The following LRRC28 variants were observed in gnomAD, a reference collection of about 807,000 sequenced individuals.
LRRC28 encodes the protein leucine rich repeat containing 28.
Under a neutral mutation model 45.7 loss-of-function variants are expected in LRRC28, and 39 were observed. The observed-to-expected ratio is 0.85, with a 90% CI of 0.66 to 1.12. The LOEUF (loss-of-function observed/expected upper bound fraction) is 1.12. Among genes scored for constraint, LRRC28 ranks in the 50% most tolerant of loss-of-function variants. LRRC28 has a pLI of 0.00. For missense variants in LRRC28, 435 were observed against 438.5 expected, an observed-to-expected ratio of 0.99 and a Z score of 0.07; for synonymous variants, 206 against 178.8, an observed-to-expected ratio of 1.15 and a Z score of -1.22.
Position 99,287,402 on chromosome 15 carries a change from AC to A in LRRC28, c.247+109del. The A allele has an allele frequency of 2.5e-6, 2 of 801,820 alleles. 1 individual carries two copies. Among genetic ancestry groups the A allele is most frequent in the Non-Finnish European group, 3.8e-6 (2 of 533,090 alleles). The allele number at this position is 801,820 out of a possible 1,614,324, so 49.7% of individuals were successfully genotyped here. On this transcript the variant is annotated intron_variant, in intron 4 of 9. Coordinates refer to ENST00000301981, the MANE Select transcript of LRRC28 (RefSeq NM_144598.5). ...ACACCTTTAATTTTTTAGCTTCAAA[AC>A]TTTTTTCTTCTAATAAGTCCAGTTA...
intron 5 of LRRC28, among the ~76,000 whole-genome samples, chr15:99,296,676 T>C (rs550798032): frequency 1.3e-5 from 2 of 152,328 alleles, no homozygotes; most frequent in African/African-American, 4.8e-5. Context: ...GAGGGGGGAC[T>C]TGCTGTTTCA....
intron 6 of LRRC28, 138 bp from the exon 7 acceptor site, chr15:99,352,231 A>G: frequency 1.6e-6 from 1 of 638,598 alleles, no homozygotes; most frequent in South Asian, 2.3e-5. Context: ...CCCATAACTT[A>G]CTTTATATAA....
At chr15:99,271,310 C>T (rs1197738049) in intron 2 of LRRC28, among the ~76,000 whole-genome samples, 2 of 148,038 alleles carry the variant, frequency 1.4e-5, no homozygotes, top group African/African-American at 5.0e-5. Flanking sequence ...AGATGAGTCT[C>T]ATTCTATTGC....
At chr15:99,259,710 G>T (rs1355722556) in intron 2 of LRRC28, 2 of 1,421,176 alleles carry the variant, frequency 1.4e-6, no homozygotes, top group African/African-American at 2.8e-5. Flanking sequence ...GACATGCTTC[G>T]ACGAATTAAG....
intron 3 of LRRC28, among the ~76,000 whole-genome samples, chr15:99,286,174 A>G (rs2081953609): frequency 6.6e-6 from 1 of 152,234 alleles, no homozygotes; most frequent in African/African-American, 2.4e-5. Flanking sequence ...TCTGTTGCCC[A>G]GGCTGGAGTG....
At chr15:99,294,637 A>T (rs570148075) in intron 5 of LRRC28, among the ~76,000 whole-genome samples, 31 of 152,282 alleles carry the variant, frequency 2.0e-4, no homozygotes, top group Admixed American at 1.4e-3. Flanking sequence ...CTCATGTGGT[A>T]GAATGGAGCA....
At chr15:99,377,899 T>C (rs1052577926) in intron 9 of LRRC28, among the ~76,000 whole-genome samples, 3 of 152,236 alleles carry the variant, frequency 2.0e-5, no homozygotes, top group African/African-American at 7.2e-5. Context: ...TCCATTGGTC[T>C]ATAGCTCTGT....
intron 9 of LRRC28, among the ~76,000 whole-genome samples, chr15:99,382,138 A>G (rs956531770): frequency 2.0e-5 from 3 of 152,224 alleles, no homozygotes; most frequent in African/African-American, 7.2e-5. Context: ...GGTGGAGTCT[A>G]CAGAGGTAGG....
At chr15:99,345,957 A>C (rs999720341) in intron 6 of LRRC28, among the ~76,000 whole-genome samples, 13 of 152,116 alleles carry the variant, frequency 8.5e-5, no homozygotes, top group African/African-American at 3.1e-4. Context: ...TATTCTCTTC[A>C]GTGACTTACT....
intron 3 of LRRC28, among the ~76,000 whole-genome samples, chr15:99,282,465 A>G (rs543372049): frequency 5.9e-5 from 9 of 152,286 alleles, no homozygotes; most frequent in Middle Eastern, 3.4e-3. Flanking sequence ...AATTATGTCA[A>G]TGACAGGCCA....
At position 99,319,255 on chromosome 15, in the gene LRRC28, GAAAA is replaced by G. The variant is rs1955708437; in HGVS notation, c.386-14665_386-14662del. Among the ~76,000 whole-genome samples, 6 of 152,022 alleles carry G rather than the reference GAAAA, an allele frequency of 3.9e-5. No homozygotes were observed. The South Asian group carries it at 1.2e-3, about 31-fold the overall frequency. ...CTCCATTGTGCTAACTCAGTAAAGA[GAAAA>G]AAGCCTCCCTAGAAGAAGTCTATAA... On this transcript the variant is annotated intron_variant, in intron 5 of 9. Transcript: ENST00000301981.
intron 5 of LRRC28, among the ~76,000 whole-genome samples, chr15:99,304,384 T>C (rs542105351): frequency 2.0e-5 from 3 of 152,118 alleles, no homozygotes; most frequent in Admixed American, 6.6e-5. Context: ...GAGCAAAACT[T>C]ATTTTTCCTT....
At chr15:99,374,021 A>G (rs1387367411) in intron 9 of LRRC28, among the ~76,000 whole-genome samples, 1 of 152,212 alleles carries the variant, frequency 6.6e-6, no homozygotes, top group East Asian at 1.9e-4. Flanking sequence ...AGGCCTTAAT[A>G]TCAGGTTGAG....
intron 2 of LRRC28, among the ~76,000 whole-genome samples, chr15:99,261,282 C>T (rs977440054): frequency 1.3e-5 from 2 of 152,360 alleles, no homozygotes; most frequent in East Asian, 3.9e-4. Context: ...GGAAAGCAAT[C>T]CTCTCTTTGT....
At chr15:99,321,592 G>A (rs1219981398) in intron 5 of LRRC28, among the ~76,000 whole-genome samples, 1 of 152,070 alleles carries the variant, frequency 6.6e-6, no homozygotes, top group African/African-American at 2.4e-5. Flanking sequence ...TTCCTCCAAG[G>A]ATTTGTGAGT....
intron 5 of LRRC28, among the ~76,000 whole-genome samples, chr15:99,319,664 T>TG (rs1952259030): frequency 1.3e-5 from 2 of 151,730 alleles, no homozygotes; most frequent in Admixed American, 6.6e-5. Flanking sequence ...GTGTGGTTTT[T>TG]TTTTTTAAAT....
intron 5 of LRRC28, among the ~76,000 whole-genome samples, chr15:99,294,235 T>C (rs959999875): frequency 5.3e-5 from 8 of 152,190 alleles, no homozygotes; most frequent in African/African-American, 1.4e-4. Context: ...TTATTAATTT[T>C]TCAAATATTT....
intron 5 of LRRC28, among the ~76,000 whole-genome samples, chr15:99,314,513 A>G (rs1270365021): frequency 6.6e-6 from 1 of 152,176 alleles, no homozygotes; most frequent in Non-Finnish European, 1.5e-5. Context: ...TGCGGAATCC[A>G]TATTTTGTCA....
At chr15:99,372,454 A>AG (rs976955589) in intron 9 of LRRC28, among the ~76,000 whole-genome samples, 49 of 152,320 alleles carry the variant, frequency 3.2e-4, no homozygotes, top group African/African-American at 1.1e-3. Context: ...CTGGTGCCAC[A>AG]GTTCTGGATT....
Sources: allele counts gnomAD v4.1 joint callset (sites outside exome capture counted in the v4.1 genomes callset), GRCh38; gene constraint gnomAD v4.1.1; transcripts MANE v1.5; gene names NCBI Gene and HGNC (gene_info 2026-07-23, HGNC 2026-07-21).